Variants in GUCY1A2 observed in about 807,000 individuals in gnomAD.
GUCY1A2 encodes guanylate cyclase 1 soluble subunit alpha 2.
A neutral mutation model predicts 63.5 loss-of-function variants in GUCY1A2; 27 were observed. That is an observed-to-expected ratio of 0.43 (90% CI 0.31 to 0.59). The LOEUF is 0.59. Among genes scored for constraint, GUCY1A2 ranks in the 20% least tolerant of loss-of-function variants. GUCY1A2 has a pLI of 0.11. For synonymous variants in GUCY1A2, 364 were observed against 343.5 expected (o/e 1.06, Z -0.66); for missense variants, 768 against 913.3 (o/e 0.84, Z 2.05).
intron 4 of GUCY1A2, among the ~76,000 whole-genome samples, chr11:106,938,257 A>T (rs760708008): frequency 3.4e-4 from 51 of 151,988 alleles, no homozygotes; most frequent in Non-Finnish European, 6.5e-4. Context: ...TTTCTCGAAT[A>T]TTTTTTTTAA....
At chr11:106,692,440 C>T (rs992446476) in intron 7 of GUCY1A2, among the ~76,000 whole-genome samples, 1 of 152,088 alleles carries the variant, frequency 6.6e-6, no homozygotes, top group South Asian at 2.1e-4. Flanking sequence ...AAGCTTGATT[C>T]CATGGAGGTC....
chr11:106,909,730 C>T (rs1175200722), intron 4 of GUCY1A2, among the ~76,000 whole-genome samples: 1 of 151,952 alleles, frequency 6.6e-6, no homozygotes, highest in Non-Finnish European at 1.5e-5. Context: ...CTGGATGTAA[C>T]ACAGGCTGTT....
intron 4 of GUCY1A2, among the ~76,000 whole-genome samples, chr11:106,875,037 GTTCA>G (rs1366618354): frequency 6.6e-6 from 1 of 152,108 alleles, no homozygotes; most frequent in African/African-American, 2.4e-5. Flanking sequence ...ACAGTCTTGT[GTTCA>G]TTCCTCTAAT....
At chr11:106,819,525 C>T (rs1292848011) in intron 4 of GUCY1A2, among the ~76,000 whole-genome samples, 1 of 151,986 alleles carries the variant, frequency 6.6e-6, no homozygotes, top group Non-Finnish European at 1.5e-5. Context: ...AGACCCTCCA[C>T]CAGCAAAAAA....
intron 5 of GUCY1A2, among the ~76,000 whole-genome samples, chr11:106,798,308 G>T (rs2135416988): frequency 6.6e-6 from 1 of 152,238 alleles, no homozygotes; most frequent in Admixed American, 6.5e-5. Context: ...GGACCAGACG[G>T]ATTCACAGCC....
intron 4 of GUCY1A2, among the ~76,000 whole-genome samples, chr11:106,900,135 A>T (rs1860111060): frequency 6.6e-6 from 1 of 152,116 alleles, no homozygotes; most frequent in African/African-American, 2.4e-5. Context: ...AATCAATGTA[A>T]GATGCCTGAT....
intron 7 of GUCY1A2, among the ~76,000 whole-genome samples, chr11:106,698,369 C>A (rs1452245899): frequency 6.6e-6 from 1 of 151,542 alleles, no homozygotes; most frequent in African/African-American, 2.4e-5. Flanking sequence ...GTGATCCTCT[C>A]CCCCAGACTC....
chr11:106,915,030 TA>T (rs1341712916), intron 4 of GUCY1A2, among the ~76,000 whole-genome samples: 2 of 151,944 alleles, frequency 1.3e-5, no homozygotes, highest in African/African-American at 4.8e-5. Flanking sequence ...AAAGAAGAAA[TA>T]AAGACTTTTT....
At chr11:107,001,861 A>G (rs940114830) in intron 1 of GUCY1A2, among the ~76,000 whole-genome samples, 6 of 152,054 alleles carry the variant, frequency 3.9e-5, no homozygotes, top group Non-Finnish European at 7.4e-5. Context: ...TCTACCAAAA[A>G]TACAAAAATT....
chr11:107,005,033 T>C (rs1276489515), intron 1 of GUCY1A2, among the ~76,000 whole-genome samples: 1 of 152,178 alleles, frequency 6.6e-6, no homozygotes, highest in Non-Finnish European at 1.5e-5. Flanking sequence ...TTTAATGGAA[T>C]AAAATTCATG....
intron 4 of GUCY1A2, among the ~76,000 whole-genome samples, chr11:106,829,981 T>C (rs567664356): frequency 9.4e-4 from 143 of 152,252 alleles, no homozygotes; most frequent in African/African-American, 3.0e-3. Context: ...ACAGAATGGG[T>C]AGTAGAAGAA....
intron 4 of GUCY1A2, among the ~76,000 whole-genome samples, chr11:106,850,177 G>A (rs1859333120): frequency 6.6e-6 from 1 of 151,628 alleles, no homozygotes; most frequent in African/African-American, 2.4e-5. Flanking sequence ...TATCATTTGA[G>A]TTCTCCATTT....
chr11:106,990,585 C>CTGTGTGTGTG (rs139110040), intron 1 of GUCY1A2, among the ~76,000 whole-genome samples: 1 of 151,740 alleles, frequency 6.6e-6, no homozygotes, highest in African/African-American at 2.4e-5. Flanking sequence ...CTCTCTCTCT[C>CTGTGTGTGTG]TGTGTGTGTG....
Position 106,987,283 on chromosome 11 carries a change from A to AGCACTAT in GUCY1A2, c.304-1153_304-1152insATAGTGC, listed in dbSNP as rs527575340. ...GGGTCTAGCATAGTGCTGATACCTA[A>AGCACTAT]GAAGCAGTTAATAAGTATCAATTTC... On this transcript the variant is annotated intron_variant, in intron 1 of 7. Coordinates refer to ENST00000526355, the MANE Select transcript of GUCY1A2 (RefSeq NM_000855.3). 3.8e-4 allele frequency among the ~76,000 whole-genome samples: 58 copies of AGCACTAT among 152,348 alleles called. 3 individuals carry two copies. In the South Asian group the frequency reaches 0.012, roughly 30 times the overall value.
At chr11:106,969,226 A>C (rs1319962573) in intron 3 of GUCY1A2, among the ~76,000 whole-genome samples, 1 of 152,220 alleles carries the variant, frequency 6.6e-6, no homozygotes, top group Non-Finnish European at 1.5e-5. Context: ...AAATGCTGTC[A>C]AAAGTACTTA....
At chr11:106,752,056 A>G (rs1863890525) in intron 6 of GUCY1A2, among the ~76,000 whole-genome samples, 1 of 152,228 alleles carries the variant, frequency 6.6e-6, no homozygotes. Flanking sequence ...GCAAGTTACA[A>G]TATGTTAAAT....
At chr11:106,843,067 C>A (rs927941822) in intron 4 of GUCY1A2, among the ~76,000 whole-genome samples, 2 of 151,814 alleles carry the variant, frequency 1.3e-5, no homozygotes, top group Admixed American at 1.3e-4. Context: ...AAAGTGAAAT[C>A]ATCAGCAAAT....
At chr11:106,907,566 C>A (rs1174915096) in intron 4 of GUCY1A2, among the ~76,000 whole-genome samples, 2 of 151,802 alleles carry the variant, frequency 1.3e-5, no homozygotes, top group Non-Finnish European at 2.9e-5. Flanking sequence ...TCCCGCCACC[C>A]CACAACAGTC....
intron 6 of GUCY1A2, among the ~76,000 whole-genome samples, chr11:106,715,355 A>G (rs1306920372): frequency 2.0e-5 from 3 of 152,164 alleles, no homozygotes; most frequent in Admixed American, 6.5e-5. Context: ...TTACAAATAG[A>G]CTGAAGCTCA....
Sources: gnomAD v4.1 joint callset for allele counts (sites outside exome capture counted in the v4.1 genomes callset) on GRCh38, gnomAD v4.1.1 for gene constraint, MANE v1.5 for transcripts, NCBI Gene and HGNC (gene_info 2026-07-23, HGNC 2026-07-21) for gene names.